CREB3L2: variants seen among roughly 807,000 people sequenced by gnomAD.
CREB3L2 encodes cAMP responsive element binding protein 3 like 2, also known as cyclic AMP-responsive element-binding protein 3-like protein 2.
CREB3L2 carries 23 observed loss-of-function variants against 57.2 expected under a neutral mutation model. The ratio of observed to expected loss-of-function variants is 0.40; its 90% confidence interval spans 0.29 to 0.57. The LOEUF is 0.57. CREB3L2 is among the 20% of genes least tolerant of loss of function. CREB3L2 has a pLI of 0.42. For missense variants in CREB3L2, 628 were observed against 634.7 expected, an observed-to-expected ratio of 0.99 and a Z score of 0.11; for synonymous variants, 268 against 265.1, an observed-to-expected ratio of 1.01 and a Z score of -0.11.
chr7:137,956,573 C>T, intron 1 of CREB3L2: 1 of 1,287,832 alleles, frequency 7.8e-7, no homozygotes, highest in Non-Finnish European at 1.0e-6. Flanking sequence ...TCTCTACCTT[C>T]CATCTTTCAG....
chr7:137,981,209 G>C (rs1330442683), intron 1 of CREB3L2, among the ~76,000 whole-genome samples: 4 of 152,174 alleles, frequency 2.6e-5, no homozygotes, highest in Non-Finnish European at 5.9e-5. Context: ...AAAAGGGAAA[G>C]AGAAGGAGAG....
chr7:137,993,731 T>C (rs1207116012), intron 1 of CREB3L2, among the ~76,000 whole-genome samples: 1 of 152,148 alleles, frequency 6.6e-6, no homozygotes, highest in Non-Finnish European at 1.5e-5. Flanking sequence ...ACCCAGCTTA[T>C]CCATTTTCCA....
intron 8 of CREB3L2, among the ~76,000 whole-genome samples, chr7:137,886,527 C>CAAACAGCCACCTGCAGCTCAAGCA (rs1460648167): frequency 1.3e-5 from 2 of 152,100 alleles, no homozygotes; most frequent in African/African-American, 4.8e-5. Context: ...GGCAGAGAGG[C>CAAACAGCCACCTGCAGCTCAAGCA]AAACAGCCAC....
At chr7:137,988,436 CCTT>C (rs1166093710) in intron 1 of CREB3L2, among the ~76,000 whole-genome samples, 4 of 152,212 alleles carry the variant, frequency 2.6e-5, no homozygotes, top group African/African-American at 7.2e-5. Context: ...CCTCACCTGT[CCTT>C]ATTATTATGT....
intron 1 of CREB3L2, among the ~76,000 whole-genome samples, chr7:137,986,778 C>A (rs1563274355): frequency 6.6e-6 from 1 of 152,224 alleles, no homozygotes; most frequent in African/African-American, 2.4e-5. Flanking sequence ...GTATTTCAGT[C>A]AAAAGGAAAC....
chr7:137,878,956 AGAGG>A lies in CREB3L2; in HGVS notation c.*1516_*1519del. ...GAGAGAGAAGGAGAGACAGAGAGAG[AGAGG>A]GAGAGAGAGAAGCCAAAACCAAAGG... On this transcript the variant is annotated 3_prime_UTR_variant, in exon 12 of 12. Coordinates refer to ENST00000330387, the MANE Select transcript of CREB3L2 (RefSeq NM_194071.4). The A allele has an allele frequency of 2.4e-6, 1 of 414,992 alleles. No individual in the cohort carries two copies. Among genetic ancestry groups the A allele is most frequent in the South Asian group, 2.3e-5 (1 of 43,404 alleles). The allele number at this position is 414,992 out of a possible 1,614,324, so 25.7% of individuals were successfully genotyped here.
In CREB3L2 at chr7:137,875,992, C is replaced by T. The variant is rs372128199; in HGVS notation, c.*4484G>A. ...ATGGAACATTAATCTTCAAATGAGC[C>T]AGGTTCCTTTGCCCTGAGAAATGTT... On this transcript the variant is annotated 3_prime_UTR_variant, in exon 12 of 12. Transcript: ENST00000330387. The T allele has an allele frequency of 7.9e-5, 18 of 228,412 alleles. No homozygotes were observed. The East Asian group carries it at 1.0e-3, about 13-fold the overall frequency. The allele number at this position is 228,412 out of a possible 1,614,324, so 14.1% of individuals were successfully genotyped here.
In CREB3L2 at chr7:137,948,396, T is replaced by G. The variant is rs571666245; in HGVS notation, c.103-20030A>C. ...CATCTTGCTAGTAGCCAGGGGGACATTATGGTAGGAACCAAAACTTACCCA... is the reference window on the plus strand; with the variant it reads ...CATCTTGCTAGTAGCCAGGGGGACAGTATGGTAGGAACCAAAACTTACCCA... On this transcript the variant is annotated intron_variant, in intron 1 of 11. Transcript: ENST00000330387. Among the ~76,000 whole-genome samples the G allele has an allele frequency of 3.9e-5, 6 of 152,318 alleles. No homozygotes were observed. The East Asian group carries it at 9.7e-4, about 25-fold the overall frequency.
At chr7:137,974,346 CTG>C (rs1397105372) in intron 1 of CREB3L2, among the ~76,000 whole-genome samples, 1 of 152,182 alleles carries the variant, frequency 6.6e-6, no homozygotes, top group African/African-American at 2.4e-5. Flanking sequence ...TGAGCACAAT[CTG>C]AAGGCTAAGC....
At chr7:137,905,659 T>C (rs896883327) in intron 6 of CREB3L2, 43 bp downstream of exon 6, 4 of 1,606,744 alleles carry the variant, frequency 2.5e-6, no homozygotes, top group Non-Finnish European at 3.4e-6. Context: ...GACTCGATTC[T>C]GCTCGTCTCT....
intron 10 of CREB3L2, among the ~76,000 whole-genome samples, chr7:137,883,905 C>A (rs746731501): frequency 3.9e-5 from 6 of 152,208 alleles, no homozygotes; most frequent in Non-Finnish European, 5.9e-5. Context: ...TACTCACCAT[C>A]CCTTTATTTC....
chr7:137,946,637 T>A (rs889469235), intron 1 of CREB3L2, among the ~76,000 whole-genome samples: 3 of 150,584 alleles, frequency 2.0e-5, no homozygotes, highest in Admixed American at 1.3e-4. Flanking sequence ...ACTATGTTTA[T>A]GGTAATTTGT....
intron 1 of CREB3L2, chr7:137,956,543 CT>C: frequency 3.4e-6 from 4 of 1,178,332 alleles, no homozygotes; most frequent in Non-Finnish European, 4.5e-6. Context: ...ACCTGAGCTG[CT>C]TTCAAACTGC....
At position 137,877,941 on chromosome 7, in the gene CREB3L2, A is replaced by G. The variant is rs1220038156; in HGVS notation, c.*2535T>C. On this transcript the variant is annotated 3_prime_UTR_variant, in exon 12 of 12. Coordinates refer to ENST00000330387, the MANE Select transcript of CREB3L2 (RefSeq NM_194071.4). ...TTGTCCTCCTAAAGGGACAACTGTT[A>G]GTTCCTTTAACCCACTCAAGCAAGG... 1 of 227,684 alleles carries G rather than the reference A, an allele frequency of 4.4e-6. No homozygotes were observed. The highest frequency in any genetic ancestry group is 6.3e-5 in the East Asian group (1 of 15,828). 14.1% of individuals were successfully genotyped at this position (227,684 alleles called of 1,614,324 possible). A position where few individuals can be genotyped will look rare whatever the true frequency, so the allele number is the denominator to read the frequency against.
chr7:137,928,204 G>A lies in CREB3L2; in HGVS notation c.265C>T (p.Pro89Ser). ...AEHSYSLCEE[P>S]RAQSPFTHIT... is the part of the protein sequence containing the mutation. ...TGGGTGAAGGGCGACTGGGCCCGAG[G>A]CTCCTCGCACAGGGAGTAGCTGTGC... The change falls in exon 2 of 12, where the codon CCT becomes TCT. Residue 89 changes from proline to serine, a missense_variant. This residue lies in a region of CREB3L2 where 339 missense variants were observed against 355.4 expected (regional missense o/e 0.95). Transcript: ENST00000330387. 1 of 1,605,042 alleles carries A rather than the reference G, an allele frequency of 6.2e-7. No individual in the cohort carries two copies. The highest frequency in any genetic ancestry group is 8.5e-7 in the Non-Finnish European group (1 of 1,175,250).
At chr7:137,958,574 G>T (rs1420466006) in intron 1 of CREB3L2, among the ~76,000 whole-genome samples, 1 of 152,222 alleles carries the variant, frequency 6.6e-6, no homozygotes, top group Non-Finnish European at 1.5e-5. Context: ...TGAGATATCT[G>T]ATGAGTGATA....
chr7:137,979,725 C>T (rs1801679421), intron 1 of CREB3L2, among the ~76,000 whole-genome samples: 1 of 76,420 alleles, frequency 1.3e-5, no homozygotes, highest in African/African-American at 5.7e-5. Flanking sequence ...GACTCCGTCT[C>T]AAAAACAACA....
At chr7:137,981,829 G>C (rs1373438101) in intron 1 of CREB3L2, among the ~76,000 whole-genome samples, 1 of 152,198 alleles carries the variant, frequency 6.6e-6, no homozygotes, top group African/African-American at 2.4e-5. Context: ...CAAAAATAGA[G>C]TTTGCTCCAA....
At position 137,899,808 on chromosome 7, in the gene CREB3L2, C is replaced by T. The variant is rs1171962483; in HGVS notation, c.1043+1546G>A. Among the ~76,000 whole-genome samples, 5 of 152,140 alleles carry T rather than the reference C, an allele frequency of 3.3e-5. No homozygotes were observed. The East Asian group carries it at 9.6e-4, about 29-fold the overall frequency. ...GGGATCCCACTGGCGGTAGTTTTAG[C>T]TTATGTCTATATTAGCTGGCTTTTT... is the stretch of plus-strand genomic sequence containing the variant. On this transcript the variant is annotated intron_variant, in intron 8 of 11. Coordinates refer to ENST00000330387, the MANE Select transcript of CREB3L2 (RefSeq NM_194071.4).
Sources: allele counts gnomAD v4.1 joint callset (sites outside exome capture counted in the v4.1 genomes callset), GRCh38; gene constraint gnomAD v4.1.1; regional missense constraint gnomAD v4.1.1; transcripts MANE v1.5; gene names NCBI Gene and HGNC (gene_info 2026-07-23, HGNC 2026-07-21).